The following NOS1AP variants were observed in gnomAD, a reference collection of about 807,000 sequenced individuals.
NOS1AP encodes nitric oxide synthase 1 adaptor protein.
NOS1AP carries 21 observed loss-of-function variants against 56.2 expected under a neutral mutation model. That is an observed-to-expected ratio of 0.37 (90% CI 0.26 to 0.54). The LOEUF (loss-of-function observed/expected upper bound fraction) is 0.54. Among genes scored for constraint, NOS1AP ranks in the 20% least tolerant of loss-of-function variants. The pLI is 0.84. For missense variants in NOS1AP, 522 were observed against 657.8 expected (o/e 0.79, Z 2.26); for synonymous variants, 270 against 274.6 (o/e 0.98, Z 0.17).
intron 1 of NOS1AP, among the ~76,000 whole-genome samples, chr1:162,114,301 C>T (rs1647839407): frequency 6.6e-6 from 1 of 152,024 alleles, no homozygotes; most frequent in Non-Finnish European, 1.5e-5. Flanking sequence ...TCTGTGGGAG[C>T]CGTTAGACAA....
rs776274543 is a variant in NOS1AP at position 162,070,261 on chromosome 1, C to A, written c.84C>A (p.His28Gln). ...TGCACAACGAGGACGCCTTCCAGCACGGCATCTGCTTTGAGGCCAAGGTGA... is the reference window on the plus strand; with the variant it reads ...TGCACAACGAGGACGCCTTCCAGCAAGGCATCTGCTTTGAGGCCAAGGTGA... Reference protein sequence around the residue: ...IPLHNEDAFQHGICFEAKYVG... With the variant: ...IPLHNEDAFQQGICFEAKYVG... Residue 28 changes from histidine (H) to glutamine (Q), a missense_variant, in exon 1 of 10, where the codon CAC becomes CAA. His to Gln is a conservative substitution (Grantham distance 24). Transcript: ENST00000361897. 1 of 1,613,740 alleles carries A rather than the reference C, an allele frequency of 6.2e-7. No individual in the cohort carries two copies. The highest frequency in any genetic ancestry group is 1.1e-5 in the South Asian group (1 of 91,064).
At chr1:162,104,895 C>A (rs185046291) in intron 1 of NOS1AP, among the ~76,000 whole-genome samples, 2 of 152,166 alleles carry the variant, frequency 1.3e-5, no homozygotes, top group African/African-American at 4.8e-5. Context: ...CTTTCTGAAG[C>A]CTTCTTCTGT....
At chr1:162,173,170 TGC>T (rs1650883118) in intron 2 of NOS1AP, among the ~76,000 whole-genome samples, 2 of 152,194 alleles carry the variant, frequency 1.3e-5, no homozygotes, top group Non-Finnish European at 2.9e-5. Flanking sequence ...CAATTACTTT[TGC>T]ACCCGTCTAA....
intron 1 of NOS1AP, among the ~76,000 whole-genome samples, chr1:162,093,230 AAGG>A (rs764373672): frequency 1.3e-5 from 2 of 152,140 alleles, no homozygotes; most frequent in Non-Finnish European, 2.9e-5. Flanking sequence ...TTAAAATAAG[AAGG>A]GGATTATGAA....
intron 1 of NOS1AP, among the ~76,000 whole-genome samples, chr1:162,100,311 T>G (rs1441786017): frequency 1.3e-5 from 2 of 152,110 alleles, no homozygotes; most frequent in Non-Finnish European, 2.9e-5. Flanking sequence ...CCTGACTTTT[T>G]AATGATTGCC....
chr1:162,192,004 A>G (rs1034605803), intron 2 of NOS1AP, among the ~76,000 whole-genome samples: 5 of 152,100 alleles, frequency 3.3e-5, no homozygotes, highest in African/African-American at 1.2e-4. Context: ...TTTTAATGCC[A>G]GTGTTTTTGG....
At chr1:162,118,512 C>T (rs541545162) in intron 1 of NOS1AP, among the ~76,000 whole-genome samples, 41 of 152,130 alleles carry the variant, frequency 2.7e-4, no homozygotes, top group Non-Finnish European at 4.9e-4. Flanking sequence ...GTTGATTCCA[C>T]GTGTTTGCTA....
intron 1 of NOS1AP, among the ~76,000 whole-genome samples, chr1:162,110,460 C>T (rs73023271): frequency 0.038 from 5,835 of 152,202 alleles, 143 homozygotes; most frequent in Middle Eastern, 0.082. Flanking sequence ...TTTGTTCCTC[C>T]TTACCTTACC....
chr1:162,275,260 C>T (rs961735264), intron 2 of NOS1AP, among the ~76,000 whole-genome samples: 1 of 152,086 alleles, frequency 6.6e-6, no homozygotes, highest in Admixed American at 6.5e-5. Flanking sequence ...GCTCTGCAAC[C>T]TCTGCCTCCT....
chr1:162,090,382 A>ACTTTTT (rs398103294), intron 1 of NOS1AP, among the ~76,000 whole-genome samples: 1 of 151,758 alleles, frequency 6.6e-6, no homozygotes, highest in Non-Finnish European at 1.5e-5. Flanking sequence ...AAAAAAAAAA[A>ACTTTTT]GTCTGAGAAT....
intron 2 of NOS1AP, among the ~76,000 whole-genome samples, chr1:162,270,102 G>A (rs1373422837): frequency 1.3e-5 from 2 of 152,206 alleles, no homozygotes; most frequent in East Asian, 3.8e-4. Context: ...CTGCCCACTG[G>A]AAGTGTGCTC....
At chr1:162,254,703 A>G (rs1653971189) in intron 2 of NOS1AP, among the ~76,000 whole-genome samples, 1 of 152,238 alleles carries the variant, frequency 6.6e-6, no homozygotes, top group South Asian at 2.1e-4. Flanking sequence ...AACTACCACA[A>G]TACTTTATAG....
intron 2 of NOS1AP, among the ~76,000 whole-genome samples, chr1:162,224,730 A>G (rs1205984892): frequency 6.6e-6 from 1 of 152,196 alleles, no homozygotes; most frequent in Non-Finnish European, 1.5e-5. Context: ...TAGGGCAGGA[A>G]AGGAGAGAAG....
chr1:162,367,703 G>A lies in NOS1AP; in HGVS notation c.*236G>A. ...CTCCTACTTGTGACTAGAGGGTGGT[G>A]GAGGTAAGGCCTTCCAGAGCCCATG... On this transcript the variant is annotated 3_prime_UTR_variant, in exon 10 of 10. Coordinates refer to ENST00000361897, the MANE Select transcript of NOS1AP (RefSeq NM_014697.3). The surrounding 1 kb of genome is among the most constrained non-coding windows in gnomAD (Gnocchi z 6.5). 1.8e-6 allele frequency: 1 copy of A among 561,950 alleles called. No individual in the cohort carries two copies. The highest frequency in any genetic ancestry group is 3.2e-6 in the Non-Finnish European group (1 of 316,620). 34.8% of individuals were successfully genotyped at this position (561,950 alleles called of 1,614,324 possible). A position where few individuals can be genotyped will look rare whatever the true frequency, so the allele number is the denominator to read the frequency against.
intron 2 of NOS1AP, among the ~76,000 whole-genome samples, chr1:162,202,099 T>C (rs564424165): frequency 4.5e-4 from 69 of 152,274 alleles, no homozygotes; most frequent in Admixed American, 1.8e-3. Context: ...GGGATCTGTA[T>C]GTGGTCCCAG....
chr1:162,220,979 G>C (rs994958858), intron 2 of NOS1AP, among the ~76,000 whole-genome samples: 4 of 152,138 alleles, frequency 2.6e-5, no homozygotes, highest in African/African-American at 9.7e-5. Context: ...GTCTCACTCT[G>C]TCACGAGGCT....
chr1:162,238,344 G>A (rs1653373514), intron 2 of NOS1AP, among the ~76,000 whole-genome samples: 2 of 152,110 alleles, frequency 1.3e-5, no homozygotes. Context: ...CATCAGCCCT[G>A]GTTGGGGATA....
intron 1 of NOS1AP, among the ~76,000 whole-genome samples, chr1:162,077,757 T>G (rs771957455): frequency 6.8e-6 from 1 of 146,384 alleles, no homozygotes; most frequent in Non-Finnish European, 1.5e-5. Flanking sequence ...CCTAAGAGTA[T>G]GCTATGGCCT....
Position 162,255,490 on chromosome 1 carries a change from A to ATTTTTTTTTTTTTT in NOS1AP, c.178-31832_178-31819dup, listed in dbSNP as rs35637289. ...ATGCATAGGTTATTTGCTGCTGCTG[A>ATTTTTTTTTTTTTT]TTTTTTTTTTTTTTTTTTTTTTTTT... On this transcript the variant is annotated intron_variant, in intron 2 of 9. Coordinates refer to ENST00000361897, the MANE Select transcript of NOS1AP (RefSeq NM_014697.3). 8.9e-4 allele frequency among the ~76,000 whole-genome samples: 54 copies of ATTTTTTTTTTTTTT among 60,984 alleles called. 5 individuals are homozygous for ATTTTTTTTTTTTTT. Among genetic ancestry groups the ATTTTTTTTTTTTTT allele is most frequent in the Admixed American group, 1.1e-3 (5 of 4,594 alleles). The allele number at this position is 60,984 out of a possible 152,430, so 40.0% of individuals were successfully genotyped here.
Sources: gnomAD v4.1 joint callset for allele counts (sites outside exome capture counted in the v4.1 genomes callset) on GRCh38, gnomAD v4.1.1 for gene constraint, Gnocchi (gnomAD v3.1) non-coding constraint, MANE v1.5 for transcripts, NCBI Gene and HGNC (gene_info 2026-07-23, HGNC 2026-07-21) for gene names.